The following TEAD1 variants were observed in gnomAD, a reference collection of about 807,000 sequenced individuals.
TEAD1 encodes the protein TEA domain transcription factor 1.
A neutral mutation model predicts 54.9 loss-of-function variants in TEAD1; 9 were observed. The ratio of observed to expected loss-of-function variants is 0.16; its 90% CI spans 0.10 to 0.29. The LOEUF is 0.29. Among genes scored for constraint, TEAD1 ranks in the 10% least tolerant of loss-of-function variants. The pLI, the probability that TEAD1 is intolerant of heterozygous loss-of-function variation, is 1.00. For missense variants in TEAD1, 387 were observed against 535.9 expected, an observed-to-expected ratio of 0.72 and a Z score of 2.74; for synonymous variants, 200 against 187.8, an observed-to-expected ratio of 1.07 and a Z score of -0.53.
chr11:12,696,049 A>G (rs963400667), intron 2 of TEAD1, among the ~76,000 whole-genome samples: 1 of 152,238 alleles, frequency 6.6e-6, no homozygotes, highest in Non-Finnish European at 1.5e-5. Context: ...CAAGCAAGCT[A>G]CAAAGAAGAC....
intron 3 of TEAD1, among the ~76,000 whole-genome samples, chr11:12,827,287 AG>A (rs1179525614): frequency 2.0e-5 from 3 of 152,174 alleles, no homozygotes; most frequent in Non-Finnish European, 4.4e-5. Flanking sequence ...TGCATCTCCT[AG>A]GGGCTTTCTC....
chr11:12,879,576 C>A, intron 5 of TEAD1, 132 bp from the exon 6 acceptor site: 1 of 1,046,650 alleles, frequency 9.6e-7, no homozygotes, highest in Non-Finnish European at 1.5e-6. Context: ...GTTATTTATC[C>A]ATGCATGTTT....
chr11:12,697,711 G>C (rs1943614442), intron 2 of TEAD1, among the ~76,000 whole-genome samples: 1 of 152,168 alleles, frequency 6.6e-6, no homozygotes. Flanking sequence ...AGTGAAAGAA[G>C]GGGGGTATGT....
chr11:12,870,244 C>G (rs1384167361), intron 5 of TEAD1, among the ~76,000 whole-genome samples: 1 of 152,122 alleles, frequency 6.6e-6, no homozygotes, highest in African/African-American at 2.4e-5. Flanking sequence ...TGAGACTTTT[C>G]CTCTGGAATT....
chr11:12,883,112 G>A lies in TEAD1; in HGVS notation c.686G>A (p.Arg229Gln), dbSNP rs1003109162. The A allele has an allele frequency of 6.1e-5, 99 of 1,614,036 alleles. No individual in the cohort carries two copies. The highest frequency in any genetic ancestry group is 8.3e-5 in the Non-Finnish European group (98 of 1,180,044). Residue 229 changes from arginine to glutamine, a missense_variant, in exon 9 of 13, where the codon CGA becomes CAA. Coordinates refer to ENST00000527636, the MANE Select transcript of TEAD1 (RefSeq NM_021961.6). ...TTTTCAGCTTTTCTCGAGCAGCAGC[G>A]AGACCCAGACTCGGTGAGTGTGCCC...
At chr11:12,823,869 A>C (rs1228480105) in intron 3 of TEAD1, among the ~76,000 whole-genome samples, 1 of 152,146 alleles carries the variant, frequency 6.6e-6, no homozygotes, top group African/African-American at 2.4e-5. Flanking sequence ...AGTGGGTATG[A>C]GAGGGAGGGA....
chr11:12,709,927 G>A lies in TEAD1; in HGVS notation c.-55+34366G>A, dbSNP rs369947966. Among the ~76,000 whole-genome samples, 6 of 152,116 alleles carry A rather than the reference G, an allele frequency of 3.9e-5. No individual in the cohort carries two copies. The South Asian group carries it at 8.3e-4, about 21-fold the overall frequency. On this transcript the variant is annotated intron_variant, in intron 2 of 12. Coordinates refer to ENST00000527636, the MANE Select transcript of TEAD1 (RefSeq NM_021961.6). ...ACTTTTCTGATTTCATTTTTTAAAA[G>A]GGACTCTTCTACCTTTTAAAAGTCC...
At chr11:12,919,273 T>G (rs1564990450) in intron 10 of TEAD1, among the ~76,000 whole-genome samples, 1 of 152,148 alleles carries the variant, frequency 6.6e-6, no homozygotes, top group African/African-American at 2.4e-5. Context: ...TAAAGTTGTT[T>G]GGGGAGTTCT....
intron 2 of TEAD1, among the ~76,000 whole-genome samples, chr11:12,717,788 C>T (rs532864037): frequency 5.7e-4 from 87 of 152,264 alleles, no homozygotes; most frequent in African/African-American, 1.7e-3. Context: ...CATGGCTTAG[C>T]GGTCAGCAGG....
At chr11:12,749,195 T>C (rs752648540) in intron 2 of TEAD1, among the ~76,000 whole-genome samples, 1 of 152,102 alleles carries the variant, frequency 6.6e-6, no homozygotes, top group Non-Finnish European at 1.5e-5. Context: ...ATCCCCTACG[T>C]AGAGTCACCT....
rs1313180142 is a variant in TEAD1, at chr11:12,849,796, C to A, written c.203-12454C>A. On this transcript the variant is annotated intron_variant, in intron 3 of 12. Transcript: ENST00000527636. Reference sequence around the variant, plus strand: ...GGCTATACTTACCTTCTGGCAAAAACCTCATTCCTGCTATTTATTCAGTGG... The same window carrying A: ...GGCTATACTTACCTTCTGGCAAAAAACTCATTCCTGCTATTTATTCAGTGG... Among the ~76,000 whole-genome samples the A allele has an allele frequency of 2.6e-5, 4 of 152,288 alleles. No homozygotes were observed. The East Asian group carries it at 7.7e-4, about 29-fold the overall frequency.
At chr11:12,696,272 C>T (rs1357693747) in intron 2 of TEAD1, among the ~76,000 whole-genome samples, 1 of 152,146 alleles carries the variant, frequency 6.6e-6, no homozygotes, top group Non-Finnish European at 1.5e-5. Flanking sequence ...ACCAGCTCAC[C>T]CACCTTTTCT....
intron 2 of TEAD1, among the ~76,000 whole-genome samples, chr11:12,682,185 A>G (rs986748467): frequency 2.6e-5 from 4 of 152,202 alleles, no homozygotes; most frequent in Non-Finnish European, 4.4e-5. Context: ...TCTTCCCTCA[A>G]TATTTGTGAG....
intron 3 of TEAD1, among the ~76,000 whole-genome samples, chr11:12,803,184 A>T (rs1590166944): frequency 6.6e-6 from 1 of 151,644 alleles, no homozygotes; most frequent in East Asian, 1.9e-4. Context: ...CCTTTCCCCG[A>T]GAGGCTTTCT....
chr11:12,821,738 C>A (rs151026262), intron 3 of TEAD1, among the ~76,000 whole-genome samples: 1 of 152,064 alleles, frequency 6.6e-6, no homozygotes, highest in Non-Finnish European at 1.5e-5. Flanking sequence ...TGATCAACAA[C>A]CTGTGTGGAA....
intron 12 of TEAD1, among the ~76,000 whole-genome samples, chr11:12,934,033 C>T (rs1400690437): frequency 6.6e-6 from 1 of 152,206 alleles, no homozygotes. Context: ...CATCCCATTA[C>T]TGGGTATATA....
chr11:12,854,878 G>A (rs1947342341), intron 3 of TEAD1, among the ~76,000 whole-genome samples: 1 of 151,640 alleles, frequency 6.6e-6, no homozygotes, highest in Admixed American at 6.6e-5. Flanking sequence ...TTACAGGCGT[G>A]AGCCACTGCA....
At chr11:12,781,149 C>T (rs935893791) in intron 3 of TEAD1, among the ~76,000 whole-genome samples, 6 of 152,110 alleles carry the variant, frequency 3.9e-5, no homozygotes, top group Non-Finnish European at 7.4e-5. Context: ...AGAGTGAAGT[C>T]GGATCCCTTC....
At chr11:12,799,025 A>G (rs988022390) in intron 3 of TEAD1, among the ~76,000 whole-genome samples, 8 of 152,210 alleles carry the variant, frequency 5.3e-5, no homozygotes, top group African/African-American at 1.2e-4. Context: ...GTATCTGTTC[A>G]CTCACTCAGG....
Sources: gnomAD v4.1 joint callset for allele counts (sites outside exome capture counted in the v4.1 genomes callset) on GRCh38, gnomAD v4.1.1 for gene constraint, MANE v1.5 for transcripts, NCBI Gene and HGNC (gene_info 2026-07-23, HGNC 2026-07-21) for gene names.